Variants in SGCZ observed in about 807,000 individuals in gnomAD.
SGCZ encodes zeta-sarcoglycan.
In SGCZ, 40 loss-of-function variants were observed where a neutral mutation model predicts 41.3. The ratio of observed to expected loss-of-function variants is 0.97; its 90% CI spans 0.75 to 1.26. SGCZ has a LOEUF of 1.26. Ranked by LOEUF, SGCZ falls within the 50% of genes most tolerant of loss-of-function variation. SGCZ has a pLI of 0.00. For synonymous variants in SGCZ, 206 were observed against 137.5 expected (o/e 1.50, Z -3.49); for missense variants, 552 against 369.8 (o/e 1.49, Z -4.04).
At position 14,593,792 on chromosome 8, in the gene SGCZ, C is replaced by A. The variant is rs145754754; in HGVS notation, c.40-38866G>T. On this transcript the variant is annotated intron_variant, in intron 1 of 7. Transcript: ENST00000382080. ...TAGACTGCTTCCCTAAGGGAATAGA[C>A]TGAATTTGGTTGAAAGGGTACTTAT... Among the ~76,000 whole-genome samples the A allele has an allele frequency of 7.2e-3, 1,103 of 152,250 alleles. 12 individuals are homozygous for A. Among genetic ancestry groups the A allele is most frequent in the African/African-American group, 0.025 (1,051 of 41,534 alleles).
intron 1 of SGCZ, among the ~76,000 whole-genome samples, chr8:14,608,398 C>T (rs1044897951): frequency 6.6e-6 from 1 of 151,566 alleles, no homozygotes; most frequent in African/African-American, 2.4e-5. Context: ...AGCATATGCT[C>T]AGCTTCTGGA....
At chr8:14,934,874 C>G (rs1800035072) in intron 1 of SGCZ, among the ~76,000 whole-genome samples, 1 of 151,090 alleles carries the variant, frequency 6.6e-6, no homozygotes. Flanking sequence ...CAGGTTTCTC[C>G]TAAACAAGAA....
intron 1 of SGCZ, among the ~76,000 whole-genome samples, chr8:14,681,857 C>T (rs1808456559): frequency 6.6e-6 from 1 of 152,016 alleles, no homozygotes; most frequent in African/African-American, 2.4e-5. Flanking sequence ...ATTCAACAGG[C>T]ATCTTAGGGA....
intron 1 of SGCZ, among the ~76,000 whole-genome samples, chr8:14,783,134 T>G (rs1800641995): frequency 6.6e-6 from 1 of 152,050 alleles, no homozygotes; most frequent in African/African-American, 2.4e-5. Flanking sequence ...TTCCAAGAGA[T>G]AGAAAGTAAA....
intron 1 of SGCZ, among the ~76,000 whole-genome samples, chr8:14,594,244 A>C (rs993407064): frequency 6.6e-6 from 1 of 151,598 alleles, no homozygotes; most frequent in Non-Finnish European, 1.5e-5. Context: ...ACAAAATACA[A>C]ATGGCTGAAC....
At chr8:14,986,639 C>A (rs931475814) in intron 1 of SGCZ, among the ~76,000 whole-genome samples, 2 of 151,890 alleles carry the variant, frequency 1.3e-5, no homozygotes, top group African/African-American at 4.8e-5. Context: ...TTACAATATT[C>A]AATGTTTTAA....
At chr8:14,143,076 A>G (rs1367899272) in intron 5 of SGCZ, among the ~76,000 whole-genome samples, 1 of 152,162 alleles carries the variant, frequency 6.6e-6, no homozygotes, top group East Asian at 1.9e-4. Flanking sequence ...GATTATATCA[A>G]TTGATGCAGA....
At chr8:14,184,113 C>T (rs1039406769) in intron 4 of SGCZ, among the ~76,000 whole-genome samples, 1 of 151,990 alleles carries the variant, frequency 6.6e-6, no homozygotes, top group African/African-American at 2.4e-5. Flanking sequence ...TAAATTTATT[C>T]CACGAGTAAC....
chr8:14,299,303 G>A (rs867959537), intron 3 of SGCZ, among the ~76,000 whole-genome samples: 6 of 152,018 alleles, frequency 3.9e-5, no homozygotes, highest in Admixed American at 2.6e-4. Context: ...GTCTATAAAA[G>A]TTAAACATGA....
At chr8:14,748,447 T>C (rs191817364) in intron 1 of SGCZ, among the ~76,000 whole-genome samples, 2 of 152,280 alleles carry the variant, frequency 1.3e-5, no homozygotes, top group Non-Finnish European at 2.9e-5. Flanking sequence ...AATCTTCGAA[T>C]GTCAGAGCAA....
intron 2 of SGCZ, among the ~76,000 whole-genome samples, chr8:14,332,862 TCTC>T (rs1312910312): frequency 6.6e-6 from 1 of 150,710 alleles, no homozygotes; most frequent in Non-Finnish European, 1.5e-5. Context: ...TATATAATGT[TCTC>T]CTATATAGGT....
At chr8:14,596,913 AAAAC>A (rs139565009) in intron 1 of SGCZ, among the ~76,000 whole-genome samples, 96 of 152,300 alleles carry the variant, frequency 6.3e-4, no homozygotes, top group African/African-American at 1.5e-3. Context: ...TAAATAACTG[AAAAC>A]AAACAAACAA....
intron 5 of SGCZ, among the ~76,000 whole-genome samples, chr8:14,137,988 G>C (rs1469533924): frequency 1.3e-5 from 2 of 152,198 alleles, no homozygotes; most frequent in Admixed American, 6.5e-5. Flanking sequence ...CCTCTCAGCA[G>C]AAATTCTACA....
At chr8:14,213,860 T>G (rs1007796398) in intron 4 of SGCZ, among the ~76,000 whole-genome samples, 1 of 152,152 alleles carries the variant, frequency 6.6e-6, no homozygotes, top group African/African-American at 2.4e-5. Context: ...ATGTCAGTTG[T>G]GAAAAACGTA....
chr8:14,689,295 A>T (rs1396385784), intron 1 of SGCZ, among the ~76,000 whole-genome samples: 1 of 152,174 alleles, frequency 6.6e-6, no homozygotes, highest in Non-Finnish European at 1.5e-5. Context: ...AAATGGTAAA[A>T]TCACAGGCAT....
At position 14,090,457 on chromosome 8, in the gene SGCZ, A is replaced by G; in HGVS notation, c.925T>C (p.Cys309Arg). Residue 309 changes from cysteine to arginine, a missense_variant, in exon 8 of 8, where the codon TGC becomes CGC. By Grantham distance (180) the Cys-to-Arg change is radical. Transcript: ENST00000382080. Reference sequence around the variant, plus strand: ...AATCAGTCACTTCAGCTCCACAGGCAGATGTTGCTACTGGACTGACAAGTG... The same window carrying G: ...AATCAGTCACTTCAGCTCCACAGGCGGATGTTGCTACTGGACTGACAAGTG... ...GSTCQSSSNICLWS is the reference protein window; with the variant it reads ...GSTCQSSSNIRLWS 4 of 1,612,286 alleles carry G rather than the reference A, an allele frequency of 2.5e-6. No homozygotes were observed. Among genetic ancestry groups the G allele is most frequent in the Non-Finnish European group, 3.4e-6 (4 of 1,179,030 alleles).
chr8:14,255,607 A>T (rs1047154102), intron 3 of SGCZ, among the ~76,000 whole-genome samples: 5 of 152,222 alleles, frequency 3.3e-5, no homozygotes, highest in South Asian at 4.1e-4. Flanking sequence ...TTAAAAATTT[A>T]AAAAATATAA....
intron 2 of SGCZ, among the ~76,000 whole-genome samples, chr8:14,430,563 G>T (rs373254924): frequency 6.6e-5 from 10 of 152,058 alleles, no homozygotes; most frequent in African/African-American, 2.2e-4. Flanking sequence ...TAAAAGCCCC[G>T]TATAACAAAC....
chr8:14,628,760 A>C (rs1369808850), intron 1 of SGCZ, among the ~76,000 whole-genome samples: 1 of 152,134 alleles, frequency 6.6e-6, no homozygotes, highest in Non-Finnish European at 1.5e-5. Context: ...GTCTGCTTTC[A>C]CATCAAGGTC....
Sources: gnomAD v4.1 joint callset for allele counts (sites outside exome capture counted in the v4.1 genomes callset) on GRCh38, gnomAD v4.1.1 for gene constraint, MANE v1.5 for transcripts, NCBI Gene and HGNC (gene_info 2026-07-23, HGNC 2026-07-21) for gene names.